Variants in MUSK observed in about 807,000 individuals in gnomAD.
MUSK encodes the protein muscle associated receptor tyrosine kinase.
In MUSK, 55 loss-of-function variants were observed where a neutral mutation model predicts 88.7. That is an observed-to-expected ratio of 0.62 (90% CI 0.50 to 0.78). MUSK has a LOEUF of 0.78. Among genes scored for constraint, MUSK ranks in the 30% least tolerant of loss-of-function variants. The pLI is 0.00. For missense variants in MUSK, 1,015 were observed against 1,074.3 expected (o/e 0.94, Z 0.77); for synonymous variants, 387 against 391.9 (o/e 0.99, Z 0.15).
At position 110,806,011 on chromosome 9, in the gene MUSK, T is replaced by C. The variant is rs920570376; in HGVS notation, c.*5023T>C. Among the ~76,000 whole-genome samples, 2 of 151,990 alleles carry C rather than the reference T, an allele frequency of 1.3e-5. No individual in the cohort carries two copies. Among genetic ancestry groups the C allele is most frequent in the Admixed American group, 6.6e-5 (1 of 15,240 alleles). ...ATGAAAGTAATACATAAAAATGTTG[T>C]TTAAAAAAACTCACAAGAGGGTAAA... On this transcript the variant is annotated 3_prime_UTR_variant, in exon 15 of 15. Coordinates refer to ENST00000374448, the MANE Select transcript of MUSK (RefSeq NM_005592.4).
At chr9:110,698,451 T>C (rs769475047) in intron 5 of MUSK, among the ~76,000 whole-genome samples, 1 of 152,010 alleles carries the variant, frequency 6.6e-6, no homozygotes, top group Non-Finnish European at 1.5e-5. Context: ...ACTTGAAGAG[T>C]TCTCCATATT....
At chr9:110,679,060 T>G (rs991446210) in intron 1 of MUSK, among the ~76,000 whole-genome samples, 5 of 152,134 alleles carry the variant, frequency 3.3e-5, no homozygotes, top group African/African-American at 1.2e-4. Context: ...ATTTACAAAA[T>G]GTATTCTGTA....
Position 110,802,576 on chromosome 9 carries a change from G to C in MUSK, c.*1588G>C, listed in dbSNP as rs1249875239. On this transcript the variant is annotated 3_prime_UTR_variant, in exon 15 of 15. Coordinates refer to ENST00000374448, the MANE Select transcript of MUSK (RefSeq NM_005592.4). ...GGAAACCTGCCATTTCTTATTCATAGTGTCTCCAGGCAACCAAGACAAAAA... is the reference window on the plus strand; with the variant it reads ...GGAAACCTGCCATTTCTTATTCATACTGTCTCCAGGCAACCAAGACAAAAA... 2.6e-5 allele frequency among the ~76,000 whole-genome samples: 4 copies of C among 152,166 alleles called. No homozygotes were observed. Among genetic ancestry groups the C allele is most frequent in the Non-Finnish European group, 5.9e-5 (4 of 68,038 alleles).
In MUSK at chr9:110,690,190, A is replaced by G. The variant is rs2076313985; in HGVS notation, c.358+2922A>G. Among the ~76,000 whole-genome samples, 3 of 76,572 alleles carry G rather than the reference A, an allele frequency of 3.9e-5. 1 individual carries two copies. The highest frequency in any genetic ancestry group is 1.8e-4 in the African/African-American group (3 of 16,276). 50.2% of individuals were successfully genotyped at this position (76,572 alleles called of 152,430 possible). ...TAAATATATAAATATATATTTAAGT[A>G]TATATAAATATATATAAATATATAT... is the stretch of plus-strand genomic sequence containing the variant. On this transcript the variant is annotated intron_variant, in intron 3 of 14. Transcript: ENST00000374448.
rs1564209095 is a variant in MUSK at position 110,680,925 on chromosome 9, T to C, written c.80-1749T>C. On this transcript the variant is annotated intron_variant, in intron 1 of 14. Coordinates refer to ENST00000374448, the MANE Select transcript of MUSK (RefSeq NM_005592.4). ...TGTCCATGTCTGTATTTCTTTGTAT[T>C]ATGTTCTGTATATTATAATGATCCT... 2.9e-5 allele frequency among the ~76,000 whole-genome samples: 3 copies of C among 104,132 alleles called. 1 individual carries two copies. The East Asian group carries it at 6.4e-4, about 22-fold the overall frequency. The allele number at this position is 104,132 out of a possible 152,430, so 68.3% of individuals were successfully genotyped here. A position where few individuals can be genotyped will look rare whatever the true frequency, so the allele number is the denominator to read the frequency against.
chr9:110,766,434 A>C (rs1007424513), intron 8 of MUSK, among the ~76,000 whole-genome samples: 1 of 152,192 alleles, frequency 6.6e-6, no homozygotes, highest in Non-Finnish European at 1.5e-5. Flanking sequence ...AATATTCCCA[A>C]CAAACAAAGG....
At chr9:110,705,867 G>A (rs2076591776) in intron 5 of MUSK, among the ~76,000 whole-genome samples, 1 of 152,120 alleles carries the variant, frequency 6.6e-6, no homozygotes, top group African/African-American at 2.4e-5. Context: ...GAGGATTCAC[G>A]GCAGGATGTG....
At chr9:110,700,428 C>A (rs1360027146) in intron 5 of MUSK, among the ~76,000 whole-genome samples, 1 of 151,462 alleles carries the variant, frequency 6.6e-6, no homozygotes, top group Non-Finnish European at 1.5e-5. Context: ...AGAGAAGTAT[C>A]TAGATGAAAA....
Position 110,802,694 on chromosome 9 carries a change from T to G in MUSK, c.*1706T>G, listed in dbSNP as rs2078112097. On this transcript the variant is annotated 3_prime_UTR_variant, in exon 15 of 15. Coordinates refer to ENST00000374448, the MANE Select transcript of MUSK (RefSeq NM_005592.4). ...ATCCTCCTGCTGACATCCTCTTCCC[T>G]TCAACCCAAGAGCCAATGACTCAAC... Among the ~76,000 whole-genome samples, 1 of 152,186 alleles carries G rather than the reference T, an allele frequency of 6.6e-6. No homozygotes were observed. The highest frequency in any genetic ancestry group is 1.5e-5 in the Non-Finnish European group (1 of 68,032).
intron 3 of MUSK, among the ~76,000 whole-genome samples, chr9:110,693,314 A>T (rs1022257672): frequency 6.6e-6 from 1 of 151,772 alleles, no homozygotes; most frequent in African/African-American, 2.4e-5. Context: ...TCATCCATTC[A>T]TGTGGATATA....
intron 12 of MUSK, among the ~76,000 whole-genome samples, 196 bp from the exon 13 acceptor site, chr9:110,785,331 A>G (rs558678549): frequency 2.4e-4 from 36 of 152,326 alleles, no homozygotes; most frequent in Middle Eastern, 3.4e-3. Context: ...AGAGCTAAAC[A>G]TTTCTGAGAA....
At position 110,756,046 on chromosome 9, in the gene MUSK, C is replaced by T. The variant is rs148110959; in HGVS notation, c.914-6156C>T. 8.0e-3 allele frequency among the ~76,000 whole-genome samples: 1,159 copies of T among 145,624 alleles called. 2 individuals are homozygous for T. The highest frequency in any genetic ancestry group is 0.016 in the Middle Eastern group (4 of 252). On this transcript the variant is annotated intron_variant, in intron 7 of 14. Coordinates refer to ENST00000374448, the MANE Select transcript of MUSK (RefSeq NM_005592.4). ...CAATGAAATGGATACTTTTATTATC[C>T]CCATTTCACAGATGAGCAAACTAAT...
chr9:110,712,860 T>C (rs2076690134), intron 5 of MUSK, among the ~76,000 whole-genome samples: 1 of 151,922 alleles, frequency 6.6e-6, no homozygotes, highest in African/African-American at 2.4e-5. Flanking sequence ...TGAAAAGTGT[T>C]CAAATTCAGT....
Position 110,803,948 on chromosome 9 carries a change from A to C in MUSK, c.*2960A>C, listed in dbSNP as rs994030832. 6.6e-6 allele frequency among the ~76,000 whole-genome samples: 1 copy of C among 152,202 alleles called. No homozygotes were observed. The highest frequency in any genetic ancestry group is 1.5e-5 in the Non-Finnish European group (1 of 68,026). On this transcript the variant is annotated 3_prime_UTR_variant, in exon 15 of 15. Transcript: ENST00000374448. ...AGATATCAGTAAGGCACCAGCAGTC[A>C]TTTTTAGTGATCAAATACCAAACAT...
At chr9:110,685,569 T>C (rs1564213219) in intron 2 of MUSK, among the ~76,000 whole-genome samples, 1 of 152,174 alleles carries the variant, frequency 6.6e-6, no homozygotes, top group Non-Finnish European at 1.5e-5. Flanking sequence ...GTTTTCCACA[T>C]AACTGCAGGA....
chr9:110,755,954 A>ATATATATATATATACG lies in MUSK; in HGVS notation c.914-6238_914-6237insTATACGTATATATATA, dbSNP rs1564268738. 5.1e-3 allele frequency among the ~76,000 whole-genome samples: 569 copies of ATATATATATATATACG among 110,516 alleles called. 11 individuals are homozygous for ATATATATATATATACG. The highest frequency in any genetic ancestry group is 0.023 in the South Asian group (70 of 3,048). The allele number at this position is 110,516 out of a possible 152,430, so 72.5% of individuals were successfully genotyped here. On this transcript the variant is annotated intron_variant, in intron 7 of 14. Transcript: ENST00000374448. Reference sequence around the variant, plus strand: ...TATACATATATATATATATATACACATATATATATACATATATATATATAC... The same window carrying ATATATATATATATACG: ...TATACATATATATATATATATACACATATATATATATATACGTATATATATACATATATATATATAC...
At chr9:110,768,641 A>G (rs111901134) in intron 9 of MUSK, among the ~76,000 whole-genome samples, 132 of 152,352 alleles carry the variant, frequency 8.7e-4, no homozygotes, top group African/African-American at 3.1e-3. Flanking sequence ...TCACATTATT[A>G]TCATATCCAT....
chr9:110,783,592 T>C (rs545351054), intron 11 of MUSK, among the ~76,000 whole-genome samples: 1 of 152,188 alleles, frequency 6.6e-6, no homozygotes, highest in African/African-American at 2.4e-5. Flanking sequence ...TAAAATTCCA[T>C]TGATTAGACT....
At chr9:110,722,576 T>A (rs558261229) in intron 5 of MUSK, among the ~76,000 whole-genome samples, 3 of 151,268 alleles carry the variant, frequency 2.0e-5, no homozygotes, top group African/African-American at 7.3e-5. Flanking sequence ...AAAAAGCTTC[T>A]GTACAGCAAA....
Sources: gnomAD v4.1 joint callset for allele counts (sites outside exome capture counted in the v4.1 genomes callset) on GRCh38, gnomAD v4.1.1 for gene constraint, MANE v1.5 for transcripts, NCBI Gene and HGNC (gene_info 2026-07-23, HGNC 2026-07-21) for gene names.